SAMD4A: variants seen among roughly 807,000 people sequenced by gnomAD.
SAMD4A encodes sterile alpha motif domain containing 4A.
Under a neutral mutation model 81.3 loss-of-function variants are expected in SAMD4A, and 33 were observed. The ratio of observed to expected loss-of-function variants is 0.41; its 90% CI spans 0.31 to 0.54. SAMD4A has a LOEUF of 0.54. SAMD4A is among the 20% of genes least tolerant of loss of function. SAMD4A has a pLI of 0.37. For missense variants in SAMD4A, 854 were observed against 951.1 expected (o/e 0.90, Z 1.34); for synonymous variants, 389 against 382.1 (o/e 1.02, Z -0.21).
chr14:54,594,522 G>A (rs1361950830), intron 2 of SAMD4A, among the ~76,000 whole-genome samples: 2 of 152,226 alleles, frequency 1.3e-5, no homozygotes, highest in Non-Finnish European at 2.9e-5. Context: ...CTCCTGGCTA[G>A]AAGTAAGATG....
chr14:54,645,235 G>A (rs887599861), intron 2 of SAMD4A, among the ~76,000 whole-genome samples: 4 of 152,172 alleles, frequency 2.6e-5, no homozygotes, highest in Admixed American at 6.5e-5. Context: ...GGGAGGTTGA[G>A]GCAGGAGGAC....
intron 4 of SAMD4A, among the ~76,000 whole-genome samples, chr14:54,746,891 C>T (rs893499222): frequency 6.6e-6 from 1 of 152,208 alleles, no homozygotes; most frequent in Non-Finnish European, 1.5e-5. Context: ...TGGTAACATG[C>T]CGTTGGCCTG....
chr14:54,583,962 A>C (rs1594693696), intron 2 of SAMD4A, among the ~76,000 whole-genome samples: 1 of 152,256 alleles, frequency 6.6e-6, no homozygotes, highest in Admixed American at 6.5e-5. Flanking sequence ...CCAGTGTAGT[A>C]ATAGTACATT....
At chr14:54,737,742 C>A (rs532448787) in intron 4 of SAMD4A, among the ~76,000 whole-genome samples, 25 of 151,474 alleles carry the variant, frequency 1.7e-4, no homozygotes, top group Non-Finnish European at 2.8e-4. Flanking sequence ...TATGTTAATG[C>A]AGAATTGCAG....
At chr14:54,578,284 A>C (rs1228101259) in intron 2 of SAMD4A, among the ~76,000 whole-genome samples, 1 of 152,184 alleles carries the variant, frequency 6.6e-6, no homozygotes, top group Non-Finnish European at 1.5e-5. Flanking sequence ...GTCCCTTCTG[A>C]CCTTAAGATT....
intron 2 of SAMD4A, among the ~76,000 whole-genome samples, chr14:54,622,480 C>A (rs1450485888): frequency 2.6e-5 from 4 of 152,190 alleles, no homozygotes; most frequent in Non-Finnish European, 5.9e-5. Context: ...TAAATGTGAA[C>A]ATTTAAAATA....
At chr14:54,755,764 G>A (rs968624769) in intron 6 of SAMD4A, among the ~76,000 whole-genome samples, 6 of 152,138 alleles carry the variant, frequency 3.9e-5, no homozygotes, top group African/African-American at 1.4e-4. Context: ...TGGTGGAAAA[G>A]GAAAATTAGA....
chr14:54,607,240 G>A (rs2034231838), intron 2 of SAMD4A, among the ~76,000 whole-genome samples: 1 of 114,680 alleles, frequency 8.7e-6, no homozygotes, highest in South Asian at 2.9e-4. Flanking sequence ...GCCCTCTGAG[G>A]AATGAAGTTC....
intron 2 of SAMD4A, among the ~76,000 whole-genome samples, chr14:54,576,060 G>T (rs952008778): frequency 8.2e-6 from 1 of 121,542 alleles, no homozygotes; most frequent in African/African-American, 3.2e-5. Context: ...GGGCTGTAAA[G>T]TTGAGCTGGA....
At chr14:54,681,706 A>T in intron 2 of SAMD4A, 3 of 758,228 alleles carry the variant, frequency 4.0e-6, no homozygotes, top group Non-Finnish European at 4.8e-6. Flanking sequence ...TACTGGGATT[A>T]CAGGTGTGAG....
intron 2 of SAMD4A, among the ~76,000 whole-genome samples, chr14:54,599,628 C>T (rs1318370162): frequency 6.6e-6 from 1 of 152,208 alleles, no homozygotes. Flanking sequence ...GGTCAATTGA[C>T]TTGTCTTAAT....
rs566786037 is a variant in SAMD4A, at chr14:54,760,303, T to C, written c.1319T>C (p.Leu440Pro). 1.7e-5 allele frequency: 28 copies of C among 1,610,242 alleles called. No homozygotes were observed. The highest frequency in any genetic ancestry group is 2.2e-5 in the Non-Finnish European group (26 of 1,179,316). ...CCCCAGGCCCCGCGTCAGCCCTCAC[T>C]GATGGGCCCCGAGAGCCAGAGCCCC... ...REPQAPRQPS[L>P]MGPESQSPDC... Residue 440 changes from leucine (L) to proline (P), a missense_variant, in exon 7 of 13, where the codon CTG becomes CCG. Around this residue, in one of 3 missense-constraint regions of SAMD4A, gnomAD observed 428 missense variants for 471.2 expected, o/e 0.91. Coordinates refer to ENST00000554335, the MANE Select transcript of SAMD4A (RefSeq NM_015589.6).
intron 2 of SAMD4A, among the ~76,000 whole-genome samples, chr14:54,635,202 C>T (rs1324816292): frequency 1.3e-5 from 2 of 152,130 alleles, no homozygotes; most frequent in African/African-American, 4.8e-5. Flanking sequence ...GCGGGTGGAT[C>T]ACTTGAGGAC....
intron 3 of SAMD4A, among the ~76,000 whole-genome samples, chr14:54,716,342 A>G (rs1229885670): frequency 6.6e-6 from 1 of 152,200 alleles, no homozygotes; most frequent in Non-Finnish European, 1.5e-5. Context: ...TGTCCTACAG[A>G]GCCTAGAAAT....
At chr14:54,742,377 C>G (rs963426887) in intron 4 of SAMD4A, among the ~76,000 whole-genome samples, 2 of 152,168 alleles carry the variant, frequency 1.3e-5, no homozygotes, top group African/African-American at 4.8e-5. Flanking sequence ...AGTGTGGGAA[C>G]TGTAGAACAT....
At chr14:54,577,577 T>C (rs1264013862) in intron 2 of SAMD4A, among the ~76,000 whole-genome samples, 1 of 152,236 alleles carries the variant, frequency 6.6e-6, no homozygotes, top group Non-Finnish European at 1.5e-5. Flanking sequence ...AAAAAGGGAC[T>C]CTGGCTTTTA....
At chr14:54,784,311 A>C in intron 11 of SAMD4A, 1 of 1,511,314 alleles carries the variant, frequency 6.6e-7, no homozygotes, top group Non-Finnish European at 9.0e-7. Flanking sequence ...TGACATGACC[A>C]GCTATTTTTA....
intron 2 of SAMD4A, among the ~76,000 whole-genome samples, chr14:54,674,874 G>C (rs2035956954): frequency 6.6e-6 from 1 of 152,150 alleles, no homozygotes; most frequent in African/African-American, 2.4e-5. Flanking sequence ...TCAGCCTCTT[G>C]AGTACTGGGA....
chr14:54,738,282 C>T (rs963664564), intron 4 of SAMD4A, among the ~76,000 whole-genome samples: 88 of 152,202 alleles, frequency 5.8e-4, no homozygotes, highest in African/African-American at 2.1e-3. Flanking sequence ...CCTCCCTTCA[C>T]GGAAGCCTGG....
Sources: allele counts gnomAD v4.1 joint callset (sites outside exome capture counted in the v4.1 genomes callset), GRCh38; gene constraint gnomAD v4.1.1; regional missense constraint gnomAD v4.1.1; transcripts MANE v1.5; gene names NCBI Gene and HGNC (gene_info 2026-07-23, HGNC 2026-07-21).